GNB5: variants seen among roughly 807,000 people sequenced by gnomAD.
The protein encoded by GNB5 is G protein subunit beta 5.
In GNB5, 37 loss-of-function variants were observed where a neutral mutation model predicts 55.3. That is an observed-to-expected ratio of 0.67 (90% CI 0.51 to 0.88). GNB5 has a LOEUF of 0.88. Among genes scored for constraint, GNB5 ranks in the 40% least tolerant of loss-of-function variants. The probability of loss-of-function intolerance (pLI) is 0.00; values close to 1 mark genes in which losing one functional copy is unlikely to be tolerated. For missense variants in GNB5, 476 were observed against 515.3 expected (o/e 0.92, Z 0.74); for synonymous variants, 219 against 198.5 (o/e 1.10, Z -0.87).
Position 52,122,830 on chromosome 15 carries a change from C to T in GNB5, c.1177-62G>A. ...TAGTTAACAACTTATAAAACTTGAG[C>T]TTAAAGAGATAAAATTAGTCTATTC... On this transcript the variant is annotated intron_variant, in intron 12 of 12. Transcript: ENST00000261837. 3.9e-6 allele frequency: 5 copies of T among 1,290,554 alleles called. No homozygotes were observed. In the Admixed American group the frequency reaches 8.4e-5, roughly 22 times the overall value. The allele number at this position is 1,290,554 out of a possible 1,614,324, so 79.9% of individuals were successfully genotyped here.
At chr15:52,129,335 T>C (rs555700760) in intron 9 of GNB5, among the ~76,000 whole-genome samples, 90 of 152,282 alleles carry the variant, frequency 5.9e-4, no homozygotes, top group African/African-American at 2.0e-3. Context: ...TAAAACATTA[T>C]TTATTCCTCC....
intron 3 of GNB5, among the ~76,000 whole-genome samples, chr15:52,164,619 C>T (rs188849555): frequency 7.2e-4 from 110 of 152,116 alleles, no homozygotes; most frequent in African/African-American, 2.4e-3. Context: ...CAGAGCCAGA[C>T]TCCATCTCAA....
At position 52,179,841 on chromosome 15, in the gene GNB5, C is replaced by A. The variant is rs770264463; in HGVS notation, c.165G>T (p.Ala55=). 523 of 1,554,126 alleles carry A rather than the reference C, an allele frequency of 3.4e-4. No individual in the cohort carries two copies. The highest frequency in any genetic ancestry group is 4.1e-4 in the Non-Finnish European group (476 of 1,151,550). The part of the protein sequence containing the change: ...TEGLHENETL[A]SLKSEAESLK... ...GGCTCTCGGCCTCGCTCTTCAGCGA[C>A]GCCAGCGTCTCGTTCTCGTGCAGCC... Residue 55 remains alanine, a synonymous_variant, in exon 3 of 13, where the codon GCG becomes GCT. Transcript: ENST00000261837.
intron 3 of GNB5, among the ~76,000 whole-genome samples, chr15:52,173,811 AG>A (rs1245424516): frequency 1.3e-5 from 2 of 152,224 alleles, no homozygotes; most frequent in Non-Finnish European, 2.9e-5. Flanking sequence ...TATAAGGGAC[AG>A]GGCTGTTAGG....
At chr15:52,148,296 C>T (rs1381703157) in intron 5 of GNB5, among the ~76,000 whole-genome samples, 1 of 152,088 alleles carries the variant, frequency 6.6e-6, no homozygotes, top group African/African-American at 2.4e-5. Context: ...CACTATGAGC[C>T]CTAAACCATC....
At chr15:52,149,104 C>A (rs898933859) in intron 5 of GNB5, among the ~76,000 whole-genome samples, 20 of 152,194 alleles carry the variant, frequency 1.3e-4, no homozygotes, top group African/African-American at 4.8e-4. Flanking sequence ...CTCGACTCTA[C>A]AAAATGGTTT....
intron 8 of GNB5, among the ~76,000 whole-genome samples, chr15:52,134,726 T>C (rs760269863): frequency 3.9e-5 from 6 of 152,152 alleles, no homozygotes; most frequent in Non-Finnish European, 8.8e-5. Context: ...AGGTCCCTTA[T>C]GTGTCCCAGC....
At position 52,185,756 on chromosome 15, in the gene GNB5, A is replaced by T. The variant is rs76844227; in HGVS notation, c.-18-1062T>A. On this transcript the variant is annotated intron_variant, in intron 1 of 12. Coordinates refer to ENST00000261837, the MANE Select transcript of GNB5 (RefSeq NM_016194.4). ...CTTTGAGCTGTGTATTCATCTTTTT[A>T]TTATTATTATTATTATTATTATTAT... Among the ~76,000 whole-genome samples, 912 of 92,698 alleles carry T rather than the reference A, an allele frequency of 9.8e-3. 9 individuals carry two copies. The highest frequency in any genetic ancestry group is 0.024 in the South Asian group (68 of 2,832). 60.8% of individuals were successfully genotyped at this position (92,698 alleles called of 152,430 possible). A position where few individuals can be genotyped will look rare whatever the true frequency, so the allele number is the denominator to read the frequency against.
At chr15:52,172,704 G>A (rs1359172168) in intron 3 of GNB5, among the ~76,000 whole-genome samples, 3 of 152,042 alleles carry the variant, frequency 2.0e-5, no homozygotes, top group Admixed American at 6.6e-5. Flanking sequence ...AGTTTGAGGC[G>A]GCAGTGAACC....
At position 52,154,158 on chromosome 15, in the gene GNB5, C is replaced by G. The variant is rs1168540911; in HGVS notation, c.239-82G>C. The stretch of plus-strand genomic sequence containing the variant: ...GGCTGACACAGCACAGACATATGTT[C>G]CGCAGAGGGAGGCGGCCCCATGGGC... On this transcript the variant is annotated intron_variant, in intron 3 of 12. Coordinates refer to ENST00000261837, the MANE Select transcript of GNB5 (RefSeq NM_016194.4). The G allele has an allele frequency of 1.4e-5, 19 of 1,378,870 alleles. No homozygotes were observed. In the East Asian group the frequency reaches 3.6e-4, roughly 26 times the overall value. 85.4% of individuals were successfully genotyped at this position (1,378,870 alleles called of 1,614,324 possible).
chr15:52,126,210 T>G (rs972795095), intron 10 of GNB5, 166 bp from the exon 11 acceptor site: 1 of 560,290 alleles, frequency 1.8e-6, no homozygotes, highest in African/African-American at 1.9e-5. Context: ...CGACTCCTGT[T>G]AATTTCTATG....
chr15:52,128,600 G>C (rs1226884683), intron 9 of GNB5: 1 of 527,318 alleles, frequency 1.9e-6, no homozygotes, highest in Non-Finnish European at 3.7e-6. Flanking sequence ...CACTGAATCA[G>C]ACGCACAAAG....
intron 9 of GNB5, among the ~76,000 whole-genome samples, chr15:52,132,867 C>T (rs1169984617): frequency 6.6e-6 from 1 of 152,090 alleles, no homozygotes; most frequent in African/African-American, 2.4e-5. Flanking sequence ...TCCCCCAGCT[C>T]TTTGCTTGCC....
At chr15:52,139,708 T>G in intron 7 of GNB5, 1 of 895,032 alleles carries the variant, frequency 1.1e-6, no homozygotes, top group Non-Finnish European at 1.5e-6. Flanking sequence ...AGAGCCACCC[T>G]TGACCTACCC....
In GNB5 at chr15:52,120,876, T is replaced by A. The variant is rs913141654; in HGVS notation, c.*1881A>T. On this transcript the variant is annotated 3_prime_UTR_variant, in exon 13 of 13. Transcript: ENST00000261837. ...GGAAGGCAGAGGCCCTTCATTTTTC[T>A]CTCTCTACCCCAGACCCCAGTGTAC... The A allele has an allele frequency of 2.0e-5, 3 of 152,274 alleles. No homozygotes were observed. Among genetic ancestry groups the A allele is most frequent in the Non-Finnish European group, 4.4e-5 (3 of 68,072 alleles). The allele number at this position is 152,274 out of a possible 1,614,324, so 9.4% of individuals were successfully genotyped here. A position where few individuals can be genotyped will look rare whatever the true frequency, so the allele number is the denominator to read the frequency against.
chr15:52,116,218 T>C lies in GNB5; in HGVS notation c.*6539A>G, dbSNP rs2033140381. ...AACACACAGGTTGGAAACAGTGACC[T>C]CTGCTTCATGGTTCCTGGTTTCTGA... On this transcript the variant is annotated 3_prime_UTR_variant, in exon 13 of 13. Coordinates refer to ENST00000261837, the MANE Select transcript of GNB5 (RefSeq NM_016194.4). The C allele has an allele frequency of 6.6e-6, 1 of 152,242 alleles. No homozygotes were observed. Among genetic ancestry groups the C allele is most frequent in the Non-Finnish European group, 1.5e-5 (1 of 68,044 alleles). The allele number at this position is 152,242 out of a possible 1,614,324, so 9.4% of individuals were successfully genotyped here.
At chr15:52,136,879 A>G (rs947910975) in intron 7 of GNB5, 8 of 407,068 alleles carry the variant, frequency 2.0e-5, no homozygotes, top group Non-Finnish European at 3.8e-5. Flanking sequence ...TCCTGTTACT[A>G]TGTTAAACCA....
chr15:52,179,507 T>C (rs1242869234), intron 3 of GNB5, among the ~76,000 whole-genome samples: 1 of 151,726 alleles, frequency 6.6e-6, no homozygotes, highest in African/African-American at 2.4e-5. Context: ...GGATAGCTAG[T>C]CCCGCGGTCC....
rs1414980280 is a variant in GNB5, at chr15:52,119,219, G to C, written c.*3538C>G. On this transcript the variant is annotated 3_prime_UTR_variant, in exon 13 of 13. Transcript: ENST00000261837. Reference sequence around the variant, plus strand: ...TGAGAAGGGTTAGAAAAAGGAGTCCGGATGAATGAGGAGAGGGGGAGGGGG... The same window carrying C: ...TGAGAAGGGTTAGAAAAAGGAGTCCCGATGAATGAGGAGAGGGGGAGGGGG... The C allele has an allele frequency of 7.8e-6, 1 of 127,982 alleles. No individual in the cohort carries two copies. Among genetic ancestry groups the C allele is most frequent in the Non-Finnish European group, 1.6e-5 (1 of 60,732 alleles). 7.9% of individuals were successfully genotyped at this position (127,982 alleles called of 1,614,324 possible).
Sources: gnomAD v4.1 joint callset for allele counts (sites outside exome capture counted in the v4.1 genomes callset) on GRCh38, gnomAD v4.1.1 for gene constraint, MANE v1.5 for transcripts, NCBI Gene and HGNC (gene_info 2026-07-23, HGNC 2026-07-21) for gene names.